SMYD3: variants seen among roughly 807,000 people sequenced by gnomAD.
SMYD3 encodes SET and MYND domain containing 3, also known as histone-lysine N-methyltransferase SMYD3.
In SMYD3, 36 loss-of-function variants were observed where a neutral mutation model predicts 57.7. That is an observed-to-expected ratio of 0.62 (90% CI 0.48 to 0.82). The LOEUF (loss-of-function observed/expected upper bound fraction) is 0.82. SMYD3 is among the 40% of genes least tolerant of loss of function. The pLI is 0.00. For synonymous variants in SMYD3, 211 were observed against 195.0 expected, an observed-to-expected ratio of 1.08 and a Z score of -0.68; for missense variants, 515 against 538.8, an observed-to-expected ratio of 0.96 and a Z score of 0.44.
intron 1 of SMYD3, among the ~76,000 whole-genome samples, chr1:246,439,384 C>A (rs1173464949): frequency 2.0e-5 from 3 of 152,214 alleles, no homozygotes; most frequent in Admixed American, 1.3e-4. Flanking sequence ...TAGAAGCCTT[C>A]TCATGTATCT....
chr1:245,995,691 G>GGGCTGACGGTGCA (rs1424200487), intron 5 of SMYD3, among the ~76,000 whole-genome samples: 1 of 152,238 alleles, frequency 6.6e-6, no homozygotes, highest in African/African-American at 2.4e-5. Context: ...GCAGCCTGCA[G>GGGCTGACGGTGCA]GGCTGACGGA....
At chr1:246,310,139 C>T (rs1276023479) in intron 5 of SMYD3, among the ~76,000 whole-genome samples, 6 of 151,356 alleles carry the variant, frequency 4.0e-5, no homozygotes, top group African/African-American at 1.5e-4. Context: ...TATCATTTTG[C>T]TATAAAGATA....
rs531561766 is a variant in SMYD3 at position 246,008,684 on chromosome 1, C to G, written c.532-78747G>C. On this transcript the variant is annotated intron_variant, in intron 5 of 11. Transcript: ENST00000490107. ...AGCTGTTTAATGAGGAGTCTCAACACCGGGGAACAAAGCAGTAGTGTTTGC... is the reference window on the plus strand; with the variant it reads ...AGCTGTTTAATGAGGAGTCTCAACAGCGGGGAACAAAGCAGTAGTGTTTGC... 2.4e-4 allele frequency among the ~76,000 whole-genome samples: 37 copies of G among 152,234 alleles called. No individual in the cohort carries two copies. In the South Asian group the frequency reaches 6.9e-3, roughly 28 times the overall value.
Position 245,884,755 on chromosome 1 carries a change from C to A in SMYD3, c.814-20869G>T, listed in dbSNP as rs188215218. On this transcript the variant is annotated intron_variant, in intron 8 of 11. Coordinates refer to ENST00000490107, the MANE Select transcript of SMYD3 (RefSeq NM_001167740.2). ...CCAATCAGCACTCTGTAAAAACGCA[C>A]CAATCAGCGCTCTGTGTCTAGCTAA... Among the ~76,000 whole-genome samples, 372 of 79,370 alleles carry A rather than the reference C, an allele frequency of 4.7e-3. 1 individual carries two copies. Among genetic ancestry groups the A allele is most frequent in the African/African-American group, 0.015 (327 of 21,928 alleles). 52.1% of individuals were successfully genotyped at this position (79,370 alleles called of 152,430 possible).
chr1:245,755,706 C>T (rs1211393688), intron 11 of SMYD3, among the ~76,000 whole-genome samples: 2 of 152,040 alleles, frequency 1.3e-5, no homozygotes, highest in African/African-American at 4.8e-5. Flanking sequence ...TATAGCTACT[C>T]CAGCTTTCTT....
chr1:245,867,182 GC>G (rs762670379), intron 8 of SMYD3, among the ~76,000 whole-genome samples: 39 of 152,266 alleles, frequency 2.6e-4, no homozygotes, highest in Non-Finnish European at 3.4e-4. Flanking sequence ...GAAGAGGGAG[GC>G]AAAAGAGGAG....
chr1:246,214,815 G>A (rs1297105616), intron 5 of SMYD3, among the ~76,000 whole-genome samples: 2 of 152,116 alleles, frequency 1.3e-5, no homozygotes, highest in African/African-American at 4.8e-5. Context: ...AAAGAGGAAT[G>A]GAGAATAGCA....
intron 5 of SMYD3, among the ~76,000 whole-genome samples, chr1:246,072,985 CTT>C (rs1468711130): frequency 1.3e-5 from 2 of 152,290 alleles, no homozygotes; most frequent in East Asian, 3.9e-4. Context: ...GACCTTGGCT[CTT>C]TGAGTGACTG....
intron 10 of SMYD3, among the ~76,000 whole-genome samples, chr1:245,806,073 T>C (rs2048130752): frequency 6.6e-6 from 1 of 152,206 alleles, no homozygotes; most frequent in Non-Finnish European, 1.5e-5. Context: ...GAGAATATGT[T>C]AGCTGCTGGG....
chr1:246,341,541 A>G (rs1308475439), intron 2 of SMYD3, among the ~76,000 whole-genome samples: 1 of 152,218 alleles, frequency 6.6e-6, no homozygotes, highest in Non-Finnish European at 1.5e-5. Context: ...AAAATTTACT[A>G]TATATTATCA....
At chr1:246,473,359 T>C (rs1484141866) in intron 1 of SMYD3, among the ~76,000 whole-genome samples, 7 of 152,236 alleles carry the variant, frequency 4.6e-5, no homozygotes, top group Non-Finnish European at 8.8e-5. Flanking sequence ...TTTTATGTTA[T>C]ATATTTTGAA....
intron 10 of SMYD3, among the ~76,000 whole-genome samples, chr1:245,839,209 G>A (rs995913917): frequency 4.6e-5 from 7 of 151,940 alleles, no homozygotes; most frequent in African/African-American, 1.7e-4. Flanking sequence ...TCGCTCTTTC[G>A]CCCAGGCCGG....
chr1:246,115,676 G>C (rs1056342413), intron 5 of SMYD3, among the ~76,000 whole-genome samples: 2 of 152,202 alleles, frequency 1.3e-5, no homozygotes, highest in African/African-American at 4.8e-5. Context: ...CAGTGTCATA[G>C]ATGAGGTCAC....
chr1:246,252,870 A>G (rs2063818871), intron 5 of SMYD3, among the ~76,000 whole-genome samples: 1 of 152,250 alleles, frequency 6.6e-6, no homozygotes, highest in African/African-American at 2.4e-5. Flanking sequence ...ACACAGTTCT[A>G]TCACAGAGCA....
chr1:245,808,873 G>A (rs7546671), intron 10 of SMYD3, among the ~76,000 whole-genome samples: 3 of 151,812 alleles, frequency 2.0e-5, no homozygotes, highest in African/African-American at 7.3e-5. Flanking sequence ...AGCGATTCTC[G>A]TGCCTCAGCC....
intron 1 of SMYD3, among the ~76,000 whole-genome samples, chr1:246,471,856 T>G (rs2067965373): frequency 6.6e-6 from 1 of 152,220 alleles, no homozygotes; most frequent in South Asian, 2.1e-4. Flanking sequence ...GTACCAAATT[T>G]GGCTCCTAAT....
chr1:246,272,084 CTGTT>C (rs1025054781), intron 5 of SMYD3, among the ~76,000 whole-genome samples: 13 of 152,226 alleles, frequency 8.5e-5, no homozygotes, highest in South Asian at 8.3e-4. Flanking sequence ...AGATTGTTCA[CTGTT>C]TGTTTGTGTA....
chr1:245,902,339 C>T (rs926089097), intron 8 of SMYD3, among the ~76,000 whole-genome samples: 2 of 152,174 alleles, frequency 1.3e-5, no homozygotes, highest in Non-Finnish European at 2.9e-5. Flanking sequence ...AGCGATGCCA[C>T]CCCTTCCAAG....
chr1:246,439,310 T>C (rs2067428755), intron 1 of SMYD3, among the ~76,000 whole-genome samples: 1 of 152,152 alleles, frequency 6.6e-6, no homozygotes, highest in Non-Finnish European at 1.5e-5. Flanking sequence ...GTGAAAACCA[T>C]GGATTCAAAG....
Sources: allele counts gnomAD v4.1 joint callset (sites outside exome capture counted in the v4.1 genomes callset), GRCh38; gene constraint gnomAD v4.1.1; transcripts MANE v1.5; gene names NCBI Gene and HGNC (gene_info 2026-07-23, HGNC 2026-07-21).